Variants in MSI2 observed in about 807,000 individuals in gnomAD.
MSI2 encodes the protein musashi RNA binding protein 2, also known as RNA-binding protein Musashi homolog 2.
In MSI2, 17 loss-of-function variants were observed where a neutral mutation model predicts 45.6. The ratio of observed to expected loss-of-function variants is 0.37; its 90% CI spans 0.26 to 0.56. The LOEUF is 0.56. Among genes scored for constraint, MSI2 ranks in the 20% least tolerant of loss-of-function variants. The probability of loss-of-function intolerance (pLI) is 0.77; values close to 1 mark genes in which losing one functional copy is unlikely to be tolerated. For synonymous variants in MSI2, 156 were observed against 158.2 expected (o/e 0.99, Z 0.11); for missense variants, 293 against 444.2 (o/e 0.66, Z 3.06).
At chr17:57,293,595 GTTTTTTTTTTT>G (rs1910645789) in intron 5 of MSI2, among the ~76,000 whole-genome samples, 1 of 134,724 alleles carries the variant, frequency 7.4e-6, no homozygotes, top group African/African-American at 3.0e-5. Context: ...TTGTTTTTTT[GTTTTTTTTTTT>G]GTTTTTTTTT....
At chr17:57,438,800 ATT>A (rs374684092) in intron 6 of MSI2, among the ~76,000 whole-genome samples, 3 of 145,054 alleles carry the variant, frequency 2.1e-5, no homozygotes, top group Admixed American at 6.9e-5. Context: ...TCCCATAGGA[ATT>A]TTTTTTTTTT....
intron 5 of MSI2, among the ~76,000 whole-genome samples, chr17:57,351,821 C>T (rs760993024): frequency 2.8e-4 from 43 of 152,348 alleles, no homozygotes; most frequent in Non-Finnish European, 5.6e-4. Flanking sequence ...TGCCACTGCA[C>T]TCCAGCCTTG....
At chr17:57,426,219 G>C (rs1037728046) in intron 6 of MSI2, among the ~76,000 whole-genome samples, 3 of 152,200 alleles carry the variant, frequency 2.0e-5, no homozygotes, top group Non-Finnish European at 2.9e-5. Flanking sequence ...ATGGGTTTTT[G>C]ATCATTGTTC....
chr17:57,336,857 G>A (rs2143764299), intron 5 of MSI2, among the ~76,000 whole-genome samples: 1 of 152,260 alleles, frequency 6.6e-6, no homozygotes, highest in East Asian at 1.9e-4. Flanking sequence ...CGGTGTCTGA[G>A]GGTCAGGAAT....
intron 6 of MSI2, among the ~76,000 whole-genome samples, chr17:57,507,200 C>T (rs1248743925): frequency 2.8e-5 from 1 of 35,452 alleles, no homozygotes; most frequent in Non-Finnish European, 7.1e-5. Context: ...TAAATCTCTT[C>T]CCATTGGTTT....
intron 10 of MSI2, among the ~76,000 whole-genome samples, chr17:57,650,540 G>A (rs1710717386): frequency 6.6e-6 from 1 of 152,204 alleles, no homozygotes; most frequent in African/African-American, 2.4e-5. Context: ...TTCTGGGGAA[G>A]GGAGGGCCTC....
At chr17:57,410,520 A>G (rs190970139) in intron 6 of MSI2, among the ~76,000 whole-genome samples, 8 of 152,246 alleles carry the variant, frequency 5.3e-5, no homozygotes, top group African/African-American at 1.9e-4. Context: ...CTCTTGAAAA[A>G]AAAAATTCTG....
chr17:57,596,360 A>G lies in MSI2; in HGVS notation c.455-508A>G, dbSNP rs1905247205. Among the ~76,000 whole-genome samples the G allele has an allele frequency of 6.6e-6, 1 of 152,232 alleles. No homozygotes were observed. The highest frequency in any genetic ancestry group is 6.5e-5 in the Admixed American group (1 of 15,286). On this transcript the variant is annotated intron_variant, in intron 7 of 13. Coordinates refer to ENST00000284073, the MANE Select transcript of MSI2 (RefSeq NM_138962.4). This position sits in a 1 kb window ranked among gnomAD's most constrained non-coding sequence, Gnocchi z 4.6. ...ATGCCTGCGCGGAACAGAGGCCTGA[A>G]ACTTTTAATAGTTTCTTCCAGGCCT...
intron 6 of MSI2, among the ~76,000 whole-genome samples, chr17:57,482,904 G>A (rs1212799677): frequency 1.3e-5 from 2 of 152,194 alleles, no homozygotes; most frequent in African/African-American, 2.4e-5. Context: ...GTTTTGCATG[G>A]CATCCATGTA....
At chr17:57,451,244 G>A (rs1031025935) in intron 6 of MSI2, among the ~76,000 whole-genome samples, 17 of 152,166 alleles carry the variant, frequency 1.1e-4, no homozygotes, top group African/African-American at 3.6e-4. Flanking sequence ...GCCCATTGCC[G>A]GATTTTGAGC....
intron 5 of MSI2, among the ~76,000 whole-genome samples, chr17:57,303,664 A>G (rs1173978209): frequency 2.0e-5 from 3 of 152,328 alleles, no homozygotes; most frequent in African/African-American, 7.2e-5. Context: ...ATTTTGCTAC[A>G]TCACTCGGAA....
At chr17:57,656,681 G>A (rs141716924) in intron 11 of MSI2, among the ~76,000 whole-genome samples, 8 of 152,330 alleles carry the variant, frequency 5.3e-5, no homozygotes, top group Non-Finnish European at 1.0e-4. Flanking sequence ...TTCTTAGCAT[G>A]GAGGTGACTG....
At chr17:57,331,701 A>G (rs1914290884) in intron 5 of MSI2, among the ~76,000 whole-genome samples, 1 of 152,148 alleles carries the variant, frequency 6.6e-6, no homozygotes, top group African/African-American at 2.4e-5. Context: ...CTTTGTGTTC[A>G]CCAGCGTCAG....
chr17:57,281,264 A>G (rs1396816361), intron 5 of MSI2, among the ~76,000 whole-genome samples: 1 of 152,160 alleles, frequency 6.6e-6, no homozygotes, highest in Non-Finnish European at 1.5e-5. Flanking sequence ...CTGATCTTCT[A>G]AAGAGAGCAT....
intron 7 of MSI2, among the ~76,000 whole-genome samples, chr17:57,583,133 G>A (rs966329102): frequency 6.6e-6 from 1 of 152,198 alleles, no homozygotes. Context: ...TTTGTGGCAT[G>A]TGCTTGTATC....
At chr17:57,577,988 G>T (rs2144350284) in intron 7 of MSI2, among the ~76,000 whole-genome samples, 1 of 152,258 alleles carries the variant, frequency 6.6e-6, no homozygotes, top group South Asian at 2.1e-4. Context: ...CAAAGTGAAG[G>T]CTTCGCTTTT....
intron 5 of MSI2, among the ~76,000 whole-genome samples, chr17:57,289,364 T>G (rs1021717253): frequency 1.7e-4 from 26 of 152,166 alleles, no homozygotes; most frequent in African/African-American, 6.0e-4. Context: ...CCTCTAGGAG[T>G]TTGGTTGCAA....
chr17:57,259,143 CCT>C (rs1907085722), intron 4 of MSI2, among the ~76,000 whole-genome samples: 1 of 151,868 alleles, frequency 6.6e-6, no homozygotes. Context: ...TTATTTAGCC[CCT>C]GTGTGGGCTT....
intron 6 of MSI2, among the ~76,000 whole-genome samples, chr17:57,435,823 G>A (rs554472499): frequency 2.0e-5 from 3 of 152,142 alleles, no homozygotes; most frequent in Non-Finnish European, 4.4e-5. Flanking sequence ...TGAAATTGTC[G>A]GAGGGGTAGG....
Sources: gnomAD v4.1 joint callset for allele counts (sites outside exome capture counted in the v4.1 genomes callset) on GRCh38, gnomAD v4.1.1 for gene constraint, Gnocchi (gnomAD v3.1) non-coding constraint, MANE v1.5 for transcripts, NCBI Gene and HGNC (gene_info 2026-07-23, HGNC 2026-07-21) for gene names.